PIK3CB: variants seen among roughly 807,000 people sequenced by gnomAD.
PIK3CB encodes phosphatidylinositol-4,5-bisphosphate 3-kinase catalytic subunit beta.
A neutral mutation model predicts 136.8 loss-of-function variants in PIK3CB; 39 were observed. The ratio of observed to expected loss-of-function variants is 0.29; its 90% CI spans 0.22 to 0.37. PIK3CB has a LOEUF of 0.37. PIK3CB is among the 10% of genes least tolerant of loss of function. The pLI is 1.00. For missense variants in PIK3CB, 868 were observed against 1,275.4 expected (o/e 0.68, Z 4.87); for synonymous variants, 428 against 436.6 (o/e 0.98, Z 0.25).
intron 1 of PIK3CB, among the ~76,000 whole-genome samples, chr3:138,821,317 G>T (rs1444979018): frequency 6.9e-6 from 1 of 144,074 alleles, no homozygotes; most frequent in Admixed American, 6.9e-5. Flanking sequence ...AAAAATTAAT[G>T]CTCAGGGCTG....
chr3:138,747,091 T>TACAC (rs61360800), intron 4 of PIK3CB, among the ~76,000 whole-genome samples: 1 of 79,792 alleles, frequency 1.3e-5, no homozygotes, highest in African/African-American at 5.2e-5. Context: ...TATATATATA[T>TACAC]ATATATATAT....
chr3:138,778,036 A>G lies in PIK3CB; in HGVS notation c.-17+18427T>C, dbSNP rs1181594797. On this transcript the variant is annotated intron_variant, in intron 2 of 23. Transcript: ENST00000674063. ...AGAATGGCAAGCTTGTCATCAATGA[A>G]AATACCATAACCATTTTCTAGGAGC... 21 of 377,276 alleles carry G rather than the reference A, an allele frequency of 5.6e-5. No homozygotes were observed. The East Asian group carries it at 1.4e-3, about 26-fold the overall frequency. 23.4% of individuals were successfully genotyped at this position (377,276 alleles called of 1,614,324 possible).
chr3:138,728,230 T>C lies in PIK3CB; in HGVS notation c.1050+5131A>G, dbSNP rs555875818. Among the ~76,000 whole-genome samples, 121 of 152,334 alleles carry C rather than the reference T, an allele frequency of 7.9e-4. 1 individual carries two copies. The highest frequency in any genetic ancestry group is 2.8e-3 in the African/African-American group (117 of 41,576). On this transcript the variant is annotated intron_variant, in intron 8 of 23. Coordinates refer to ENST00000674063, the MANE Select transcript of PIK3CB (RefSeq NM_006219.3). ...TAATACCAGTCCAACTGGTATTTTC[T>C]GAACGTAAACTTGTTCAGAAAATAG...
At chr3:138,809,623 AAAGAAAATT>A (rs2046272069) in intron 1 of PIK3CB, among the ~76,000 whole-genome samples, 1 of 151,486 alleles carries the variant, frequency 6.6e-6, no homozygotes. Flanking sequence ...AAAAAAAAAA[AAAGAAAATT>A]AAAAGCCAGA....
chr3:138,724,045 T>C (rs1425070444), intron 8 of PIK3CB, among the ~76,000 whole-genome samples: 3 of 152,192 alleles, frequency 2.0e-5, no homozygotes, highest in Non-Finnish European at 4.4e-5. Context: ...ACCAATTGGG[T>C]ATCCTACAAT....
At chr3:138,711,083 CA>C (rs571403491) in intron 10 of PIK3CB, among the ~76,000 whole-genome samples, 197 of 133,270 alleles carry the variant, frequency 1.5e-3, no homozygotes, top group Non-Finnish European at 1.5e-3. Context: ...GACTCCATCT[CA>C]AAAAAAAAAA....
At chr3:138,827,493 T>C (rs1257547784) in intron 1 of PIK3CB, among the ~76,000 whole-genome samples, 1 of 151,908 alleles carries the variant, frequency 6.6e-6, no homozygotes. Context: ...CTGTGTCTTC[T>C]ACCTAAGAAA....
chr3:138,697,586 C>T (rs2044165235), intron 13 of PIK3CB, among the ~76,000 whole-genome samples: 1 of 152,148 alleles, frequency 6.6e-6, no homozygotes, highest in Non-Finnish European at 1.5e-5. Context: ...GCGTGCACCA[C>T]CATGTCTGGT....
chr3:138,785,194 G>A (rs2045966134), intron 2 of PIK3CB, among the ~76,000 whole-genome samples: 1 of 151,124 alleles, frequency 6.6e-6, no homozygotes, highest in Non-Finnish European at 1.5e-5. Context: ...GGGAGGTGGG[G>A]GGCAGCCCCC....
intron 8 of PIK3CB, among the ~76,000 whole-genome samples, chr3:138,722,747 G>A (rs185036635): frequency 6.0e-5 from 9 of 148,904 alleles, no homozygotes; most frequent in African/African-American, 1.2e-4. Context: ...AAAAAGTCCC[G>A]TACCATCTGT....
At chr3:138,829,585 AAACAGG>A (rs1424011197) in intron 1 of PIK3CB, among the ~76,000 whole-genome samples, 2 of 152,194 alleles carry the variant, frequency 1.3e-5, no homozygotes, top group African/African-American at 4.8e-5. Flanking sequence ...TTTTACACTC[AAACAGG>A]ATGGTGAGTG....
chr3:138,790,196 T>C (rs1297456310), intron 2 of PIK3CB, among the ~76,000 whole-genome samples: 1 of 151,862 alleles, frequency 6.6e-6, no homozygotes, highest in African/African-American at 2.4e-5. Flanking sequence ...GAGGGGGCAA[T>C]GAGAAGTTAT....
Position 138,658,498 on chromosome 3 carries a change from C to T in PIK3CB, c.2797-663G>A, listed in dbSNP as rs552218924. Among the ~76,000 whole-genome samples, 12 of 152,236 alleles carry T rather than the reference C, an allele frequency of 7.9e-5. No individual in the cohort carries two copies. The East Asian group carries it at 1.7e-3, about 22-fold the overall frequency. On this transcript the variant is annotated intron_variant, in intron 21 of 23. Coordinates refer to ENST00000674063, the MANE Select transcript of PIK3CB (RefSeq NM_006219.3). The stretch of plus-strand genomic sequence containing the variant: ...AGTACATCCTTGCCCTACTAGCTCC[C>T]CACATTGAGTGCTACTCTTTAGAGG...
intron 20 of PIK3CB, among the ~76,000 whole-genome samples, chr3:138,664,302 A>G (rs361087): frequency 2.0e-5 from 3 of 151,826 alleles, no homozygotes; most frequent in African/African-American, 7.3e-5. Flanking sequence ...TGAGTAGACT[A>G]ATGTTCACAG....
intron 21 of PIK3CB, among the ~76,000 whole-genome samples, chr3:138,658,971 T>C (rs778986306): frequency 3.9e-5 from 6 of 152,244 alleles, no homozygotes; most frequent in African/African-American, 7.2e-5. Flanking sequence ...GCCATCATCC[T>C]GGGCCTTCCC....
chr3:138,688,733 G>A (rs1317141395), intron 16 of PIK3CB, 142 bp downstream of exon 16: 1 of 559,268 alleles, frequency 1.8e-6, no homozygotes, highest in African/African-American at 1.9e-5. Flanking sequence ...ATGAAATAAT[G>A]TGGTGGGAGA....
chr3:138,711,600 A>G (rs1054170797), intron 10 of PIK3CB, among the ~76,000 whole-genome samples: 36 of 151,160 alleles, frequency 2.4e-4, no homozygotes, highest in East Asian at 2.1e-3. Flanking sequence ...AAAAAAAAAA[A>G]AAGAAGTTTA....
intron 21 of PIK3CB, among the ~76,000 whole-genome samples, chr3:138,662,886 G>A (rs1371721906): frequency 1.3e-5 from 2 of 152,154 alleles, no homozygotes; most frequent in South Asian, 2.1e-4. Context: ...TTTTTCATGT[G>A]TCTGTTGGCT....
At chr3:138,777,200 G>A (rs1019635821) in intron 2 of PIK3CB, among the ~76,000 whole-genome samples, 3 of 152,180 alleles carry the variant, frequency 2.0e-5, no homozygotes, top group Non-Finnish European at 4.4e-5. Context: ...CTGCCATCTG[G>A]AGAGACCTGC....
Sources: allele counts gnomAD v4.1 joint callset (sites outside exome capture counted in the v4.1 genomes callset), GRCh38; gene constraint gnomAD v4.1.1; transcripts MANE v1.5; gene names NCBI Gene and HGNC (gene_info 2026-07-23, HGNC 2026-07-21).